Variants in ADARB2 observed in about 807,000 individuals in gnomAD.
ADARB2 encodes the protein inactive double-stranded RNA-specific editase B2.
In ADARB2, 25 loss-of-function variants were observed where a neutral mutation model predicts 62.2. The observed-to-expected ratio is 0.40, with a 90% confidence interval of 0.29 to 0.56. ADARB2 has a LOEUF of 0.56. Ranked by LOEUF, ADARB2 falls within the 20% of genes least tolerant of loss-of-function variation. The pLI, the probability that ADARB2 is intolerant of heterozygous loss-of-function variation, is 0.43. For synonymous variants in ADARB2, 572 were observed against 500.8 expected, an observed-to-expected ratio of 1.14 and a Z score of -1.90; for missense variants, 1,071 against 1,077.4, an observed-to-expected ratio of 0.99 and a Z score of 0.08.
chr10:1,396,325 C>G (rs1035337854), intron 1 of ADARB2, among the ~76,000 whole-genome samples: 2 of 152,204 alleles, frequency 1.3e-5, no homozygotes, highest in Non-Finnish European at 2.9e-5. Context: ...ATCGCAGCTG[C>G]ACGGGTGGGC....
At position 1,654,305 on chromosome 10, in the gene ADARB2, C is replaced by T. The variant is rs144656582; in HGVS notation, c.100+82746G>A. Among the ~76,000 whole-genome samples the T allele has an allele frequency of 4.1e-3, 620 of 152,252 alleles. 1 individual carries two copies. The highest frequency in any genetic ancestry group is 0.036 in the East Asian group (186 of 5,162). On this transcript the variant is annotated intron_variant, in intron 1 of 9. Transcript: ENST00000381312. The stretch of plus-strand genomic sequence containing the variant: ...AGTGGCCATGGGGACAGGAAGTGCA[C>T]GCCTCCCCCGAGGGTCTTAGCTCAC...
At chr10:1,658,054 T>TC (rs1834194396) in intron 1 of ADARB2, among the ~76,000 whole-genome samples, 4 of 95,656 alleles carry the variant, frequency 4.2e-5, no homozygotes, top group Non-Finnish European at 1.0e-4. Flanking sequence ...CTTCTGTCTC[T>TC]ACTGTCTCTC....
intron 1 of ADARB2, among the ~76,000 whole-genome samples, chr10:1,474,709 C>A (rs748368455): frequency 6.6e-5 from 10 of 152,106 alleles, no homozygotes; most frequent in Non-Finnish European, 1.3e-4. Flanking sequence ...GGAGAGAATG[C>A]GTGGGAATGG....
chr10:1,448,794 G>T (rs1831001157), intron 1 of ADARB2, among the ~76,000 whole-genome samples: 2 of 152,064 alleles, frequency 1.3e-5, no homozygotes, highest in South Asian at 2.1e-4. Flanking sequence ...TGTCGACCTA[G>T]CACTGCTGGA....
chr10:1,670,725 G>A (rs1334212512), intron 1 of ADARB2, among the ~76,000 whole-genome samples: 1 of 152,200 alleles, frequency 6.6e-6, no homozygotes, highest in Non-Finnish European at 1.5e-5. Flanking sequence ...AACACGTCAC[G>A]GAGGCCGGGC....
At chr10:1,662,189 C>G (rs934160161) in intron 1 of ADARB2, among the ~76,000 whole-genome samples, 1 of 152,178 alleles carries the variant, frequency 6.6e-6, no homozygotes, top group Admixed American at 6.5e-5. Flanking sequence ...TCCAATAACC[C>G]TTCAAAGCAG....
At chr10:1,391,408 T>C (rs1832569553) in intron 1 of ADARB2, among the ~76,000 whole-genome samples, 1 of 152,168 alleles carries the variant, frequency 6.6e-6, no homozygotes, top group Admixed American at 6.5e-5. Context: ...AGACTCACTA[T>C]CGCTGTTCTC....
chr10:1,587,566 AAAGC>A (rs1429862286), intron 1 of ADARB2, among the ~76,000 whole-genome samples: 1 of 152,130 alleles, frequency 6.6e-6, no homozygotes, highest in Non-Finnish European at 1.5e-5. Context: ...AAGCACTTAC[AAAGC>A]AATATAGGTA....
rs564954017 is a variant in ADARB2 at position 1,334,237 on chromosome 10, A to G, written c.1077+28791T>C. Among the ~76,000 whole-genome samples, 506 of 152,308 alleles carry G rather than the reference A, an allele frequency of 3.3e-3. 3 individuals are homozygous for G. The highest frequency in any genetic ancestry group is 0.012 in the African/African-American group (482 of 41,546). On this transcript the variant is annotated intron_variant, in intron 3 of 9. Coordinates refer to ENST00000381312, the MANE Select transcript of ADARB2 (RefSeq NM_018702.4). ...TAATCTCCAGAAAGTGGAATAATTA[A>G]TTTGTTAACTAATGACATTCGTATG...
intron 3 of ADARB2, among the ~76,000 whole-genome samples, chr10:1,354,126 C>A (rs1318184744): frequency 6.6e-6 from 1 of 152,122 alleles, no homozygotes; most frequent in African/African-American, 2.4e-5. Flanking sequence ...AAACATCGCC[C>A]ATTATCTCTC....
chr10:1,289,349 C>CAT (rs1831443237), intron 3 of ADARB2, among the ~76,000 whole-genome samples: 1 of 152,264 alleles, frequency 6.6e-6, no homozygotes, highest in South Asian at 2.1e-4. Flanking sequence ...ACACTGGGCA[C>CAT]ATGGCGTCAG....
At chr10:1,559,209 T>G (rs1722908814) in intron 1 of ADARB2, among the ~76,000 whole-genome samples, 2 of 152,120 alleles carry the variant, frequency 1.3e-5, no homozygotes, top group Admixed American at 6.5e-5. Context: ...CTCTGCTGCT[T>G]TTATGGAAAT....
chr10:1,252,672 TA>T (rs1554748789), intron 4 of ADARB2, among the ~76,000 whole-genome samples: 24 of 143,258 alleles, frequency 1.7e-4, no homozygotes, highest in Non-Finnish European at 2.6e-4. Flanking sequence ...TTTTTTTTTT[TA>T]AATCTTCTGG....
At chr10:1,509,532 T>A (rs538419246) in intron 1 of ADARB2, among the ~76,000 whole-genome samples, 5 of 152,180 alleles carry the variant, frequency 3.3e-5, no homozygotes, top group Non-Finnish European at 7.3e-5. Context: ...GCCATTAGAG[T>A]TACAACTTGG....
At chr10:1,183,607 A>G in intron 9 of ADARB2, among the ~76,000 whole-genome samples, 1 of 152,230 alleles carries the variant, frequency 6.6e-6, no homozygotes. Flanking sequence ...CTTGACTGCT[A>G]CTAAAAGTAT....
rs144935240 is a variant in ADARB2, at chr10:1,615,453, G to A, written c.100+121598C>T. Among the ~76,000 whole-genome samples, 94 of 152,342 alleles carry A rather than the reference G, an allele frequency of 6.2e-4. 1 individual carries two copies. Among genetic ancestry groups the A allele is most frequent in the African/African-American group, 1.9e-3 (80 of 41,586 alleles). On this transcript the variant is annotated intron_variant, in intron 1 of 9. Coordinates refer to ENST00000381312, the MANE Select transcript of ADARB2 (RefSeq NM_018702.4). Reference sequence around the variant, plus strand: ...CCCACCACCCAGAGGCCCAGGATGCGCGGTATGGTGGATGTGTCAGGGTGC... The same window carrying A: ...CCCACCACCCAGAGGCCCAGGATGCACGGTATGGTGGATGTGTCAGGGTGC...
chr10:1,605,594 A>G (rs1292674789), intron 1 of ADARB2, among the ~76,000 whole-genome samples: 2 of 152,242 alleles, frequency 1.3e-5, no homozygotes, highest in Non-Finnish European at 2.9e-5. Context: ...AGGAAAATGC[A>G]CTTACTTATT....
At chr10:1,694,523 CA>C (rs112532591) in intron 1 of ADARB2, among the ~76,000 whole-genome samples, 5,754 of 152,200 alleles carry the variant, frequency 0.038, 200 homozygotes, top group East Asian at 0.16. Flanking sequence ...CACTTCCTTC[CA>C]CTAACAATGT....
rs201172607 is a variant in ADARB2 at position 1,179,140 on chromosome 10, A to T, written c.*4053T>A. ...CTAAAAATAGGATTTCATCAAAATA[A>T]CTATTCTGGGCATTGATATCCTCTG... On this transcript the variant is annotated 3_prime_UTR_variant, in exon 10 of 10. Coordinates refer to ENST00000381312, the MANE Select transcript of ADARB2 (RefSeq NM_018702.4). 3 of 83,628 alleles carry T rather than the reference A, an allele frequency of 3.6e-5. No homozygotes were observed. The highest frequency in any genetic ancestry group is 4.2e-4 in the South Asian group (1 of 2,386). 5.2% of individuals were successfully genotyped at this position (83,628 alleles called of 1,614,324 possible).
Sources: allele counts gnomAD v4.1 joint callset (sites outside exome capture counted in the v4.1 genomes callset), GRCh38; gene constraint gnomAD v4.1.1; transcripts MANE v1.5; gene names NCBI Gene and HGNC (gene_info 2026-07-23, HGNC 2026-07-21).